SLC26A5: variants seen among roughly 807,000 people sequenced by gnomAD.
The protein encoded by SLC26A5 is prestin.
In SLC26A5, 51 loss-of-function variants were observed where a neutral mutation model predicts 81.0. The ratio of observed to expected loss-of-function variants is 0.63; its 90% CI spans 0.50 to 0.80. SLC26A5 has a LOEUF of 0.80. SLC26A5 is among the 30% of genes least tolerant of loss of function. The pLI is 0.00. For missense variants in SLC26A5, 771 were observed against 905.8 expected, an observed-to-expected ratio of 0.85 and a Z score of 1.91; for synonymous variants, 325 against 332.8, an observed-to-expected ratio of 0.98 and a Z score of 0.25.
At chr7:103,407,707 GAATTTGTCA>G (rs1333629630) in intron 8 of SLC26A5, 135 bp downstream of exon 8, 9 of 885,350 alleles carry the variant, frequency 1.0e-5, no homozygotes, top group Non-Finnish European at 1.6e-5. Flanking sequence ...TCTTGTCAAT[GAATTTGTCA>G]AATTTGACAA....
chr7:103,364,439 C>CAACA, intron 19 of SLC26A5: 2 of 994,448 alleles, frequency 2.0e-6, no homozygotes, highest in Non-Finnish European at 2.9e-6. Context: ...GACAGAGTCT[C>CAACA]ATTGTGTTGC....
intron 2 of SLC26A5, among the ~76,000 whole-genome samples, chr7:103,428,366 A>T (rs1825841353): frequency 6.6e-6 from 1 of 152,160 alleles, no homozygotes; most frequent in Non-Finnish European, 1.5e-5. Flanking sequence ...TAGTTTCCTC[A>T]TCTTTATTAA....
intron 2 of SLC26A5, among the ~76,000 whole-genome samples, chr7:103,440,640 C>T (rs765563169): frequency 6.6e-6 from 1 of 152,130 alleles, no homozygotes; most frequent in African/African-American, 2.4e-5. Context: ...TTGGGAACAA[C>T]GATCAGCAAT....
chr7:103,444,366 G>A (rs1012927779), intron 1 of SLC26A5, among the ~76,000 whole-genome samples: 42 of 152,032 alleles, frequency 2.8e-4, no homozygotes, highest in African/African-American at 8.9e-4. Flanking sequence ...GTTTCACTTG[G>A]GTTACTAAAA....
At chr7:103,406,836 A>G (rs1227989794) in intron 8 of SLC26A5, among the ~76,000 whole-genome samples, 3 of 152,140 alleles carry the variant, frequency 2.0e-5, no homozygotes, top group Non-Finnish European at 2.9e-5. Flanking sequence ...TATTTTTAGT[A>G]GAGACGGGGT....
chr7:103,352,887 C>G (rs1408392639), exon 20 of SLC26A5: 1 of 780,966 alleles, frequency 1.3e-6, no homozygotes, highest in African/African-American at 1.7e-5. Flanking sequence ...CACGGCATTT[C>G]CCCTACGGTC....
chr7:103,395,618 G>A (rs1044874212), intron 9 of SLC26A5, among the ~76,000 whole-genome samples: 15 of 149,048 alleles, frequency 1.0e-4, no homozygotes, highest in Non-Finnish European at 1.3e-4. Context: ...CCGCCTTCTG[G>A]TTTCAAGCGA....
intron 8 of SLC26A5, among the ~76,000 whole-genome samples, chr7:103,406,891 G>T (rs1824099849): frequency 6.6e-6 from 1 of 152,170 alleles, no homozygotes; most frequent in Non-Finnish European, 1.5e-5. Context: ...GGCCTCAAGT[G>T]ATCTGCCCGC....
chr7:103,427,577 T>TA (rs1207557411), intron 2 of SLC26A5, among the ~76,000 whole-genome samples: 1 of 152,096 alleles, frequency 6.6e-6, no homozygotes, highest in Non-Finnish European at 1.5e-5. Context: ...TATTTATAAA[T>TA]AAAAAAATAA....
intron 9 of SLC26A5, among the ~76,000 whole-genome samples, chr7:103,394,337 G>A (rs1293799947): frequency 6.6e-6 from 1 of 152,208 alleles, no homozygotes; most frequent in Non-Finnish European, 1.5e-5. Context: ...TTTGACAGAT[G>A]TTAAGTGATT....
intron 11 of SLC26A5, among the ~76,000 whole-genome samples, chr7:103,391,143 A>G (rs1822616901): frequency 1.3e-5 from 2 of 152,208 alleles, no homozygotes; most frequent in Admixed American, 1.3e-4. Context: ...GATTACAGGC[A>G]TGAGCTACCG....
At chr7:103,387,052 C>T (rs527906408) in intron 14 of SLC26A5, among the ~76,000 whole-genome samples, 6 of 152,166 alleles carry the variant, frequency 3.9e-5, no homozygotes, top group South Asian at 4.1e-4. Context: ...TGAGACACCA[C>T]ACCTGGCCAA....
At chr7:103,372,800 C>T (rs566057112), downstream of SLC26A5, among the ~76,000 whole-genome samples, 67 of 149,096 alleles carry the variant, frequency 4.5e-4, no homozygotes, top group Middle Eastern at 6.9e-3. Context: ...ATTTGAGCAT[C>T]GAAAAGAACA....
At chr7:103,431,985 G>A (rs1359439094) in intron 2 of SLC26A5, among the ~76,000 whole-genome samples, 4 of 152,092 alleles carry the variant, frequency 2.6e-5, no homozygotes, top group African/African-American at 7.2e-5. Flanking sequence ...GCATGAGCTC[G>A]GTTCACTGCA....
chr7:103,381,573 C>T (rs1412063220), intron 14 of SLC26A5, among the ~76,000 whole-genome samples: 1 of 150,712 alleles, frequency 6.6e-6, no homozygotes, highest in Non-Finnish European at 1.5e-5. Context: ...CCCCTACATA[C>T]ATATACACAC....
intron 4 of SLC26A5, among the ~76,000 whole-genome samples, chr7:103,419,517 T>C (rs1390524553): frequency 6.6e-6 from 1 of 151,744 alleles, no homozygotes; most frequent in Non-Finnish European, 1.5e-5. Context: ...AGGTCTCAGC[T>C]CAAACCTCAT....
chr7:103,392,678 T>C (rs778629768), intron 10 of SLC26A5, among the ~76,000 whole-genome samples: 14 of 152,122 alleles, frequency 9.2e-5, no homozygotes, highest in African/African-American at 1.4e-4. Context: ...CCTGGGTTCA[T>C]GCCATTCTCC....
intron 19 of SLC26A5, among the ~76,000 whole-genome samples, chr7:103,357,480 T>C (rs1267404658): frequency 1.3e-5 from 2 of 152,216 alleles, no homozygotes; most frequent in African/African-American, 4.8e-5. Flanking sequence ...ATATCTTGTG[T>C]ATTATAGATT....
At position 103,356,867 on chromosome 7, in the gene SLC26A5, C is replaced by T. The variant is rs546153842; in HGVS notation, c.2042-3941G>A. 1.4e-4 allele frequency among the ~76,000 whole-genome samples: 21 copies of T among 152,202 alleles called. No individual in the cohort carries two copies. In the South Asian group the frequency reaches 3.7e-3, roughly 27 times the overall value. On this transcript the variant is annotated intron_variant, in intron 19 of 19. Transcript: ENST00000339444. Reference sequence around the variant, plus strand: ...CAATTCAAGGCTATAAACATATTCTCCTCTGTTTATAATCCTTTTAAAAAT... The same window carrying T: ...CAATTCAAGGCTATAAACATATTCTTCTCTGTTTATAATCCTTTTAAAAAT...
Sources: gnomAD v4.1 joint callset for allele counts (sites outside exome capture counted in the v4.1 genomes callset) on GRCh38, gnomAD v4.1.1 for gene constraint, MANE v1.5 for transcripts, NCBI Gene and HGNC (gene_info 2026-07-23, HGNC 2026-07-21) for gene names.